MFAP1: variants seen among roughly 807,000 people sequenced by gnomAD.
MFAP1 encodes the protein microfibril associated protein 1, also known as microfibrillar-associated protein 1.
Under a neutral mutation model 62.2 loss-of-function variants are expected in MFAP1, and 18 were observed. That is an observed-to-expected ratio of 0.29 (90% CI 0.20 to 0.43). The LOEUF (loss-of-function observed/expected upper bound fraction) is 0.43, where lower values mean the gene tolerates loss of function less well. Ranked by LOEUF, MFAP1 falls within the 20% of genes least tolerant of loss-of-function variation. The pLI, the probability that MFAP1 is intolerant of heterozygous loss-of-function variation, is 1.00. For missense variants in MFAP1, 355 were observed against 559.7 expected (o/e 0.63, Z 3.69); for synonymous variants, 175 against 180.4 (o/e 0.97, Z 0.24).
Position 43,813,265 on chromosome 15 carries a change from C to T in MFAP1, c.710G>A (p.Arg237His), listed in dbSNP as rs759142088. Residue 237 changes from arginine (R) to histidine (H), a missense_variant, in exon 5 of 9, where the codon CGC becomes CAC. Physicochemically the swap from Arg to His is conservative, Grantham distance 29. Transcript: ENST00000267812. ...QEAKRMAEER[R>H]KYTLKIVEEE... ...CCCCAGTACCTTGAGTGTGTACTTG[C>T]GCCTTTCCTCAGCCATGCGTTTTGC... 5.0e-6 allele frequency: 8 copies of T among 1,613,568 alleles called. No individual in the cohort carries two copies. In the Admixed American group the frequency reaches 5.0e-5, roughly 10 times the overall value.
rs989161570 is a variant in MFAP1 at position 43,824,651 on chromosome 15, T to C, written c.-82A>G. The C allele has an allele frequency of 2.8e-6, 4 of 1,428,156 alleles. No individual in the cohort carries two copies. The highest frequency in any genetic ancestry group is 3.9e-6 in the Non-Finnish European group (4 of 1,015,302). The allele number at this position is 1,428,156 out of a possible 1,614,324, so 88.5% of individuals were successfully genotyped here. ...AGCAACGTCAACGAAGAGAAGAAAT[T>C]CCTTCCACCTGAGTCCGCGAACACA... On this transcript the variant is annotated 5_prime_UTR_variant, in exon 1 of 9. Transcript: ENST00000267812.
intron 6 of MFAP1, among the ~76,000 whole-genome samples, chr15:43,811,097 G>A (rs1292525816): frequency 2.7e-5 from 4 of 149,630 alleles, no homozygotes; most frequent in South Asian, 2.2e-4. Context: ...TACTCCTACA[G>A]GTCCAGGATA....
intron 7 of MFAP1, among the ~76,000 whole-genome samples, chr15:43,807,434 C>T (rs975034357): frequency 7.9e-5 from 12 of 151,128 alleles, no homozygotes; most frequent in Middle Eastern, 6.8e-3. Context: ...CTGCAAGTTC[C>T]GCCTCCCAGG....
chr15:43,814,468 A>T, intron 4 of MFAP1, 33 bp downstream of exon 4: 1 of 1,564,090 alleles, frequency 6.4e-7, no homozygotes, highest in South Asian at 1.2e-5. Flanking sequence ...GTGGTAATTA[A>T]GTGGATTCAG....
Position 43,824,560 on chromosome 15 carries a change from G to A in MFAP1, c.10C>T (p.Pro4Ser). ...GGCGGTTGCTTCATGAGAGCGCTTG[G>A]GACCGACATGTTGATGGCAGCGACG... MSVPSALMKQPPIQ... is the reference protein window; with the variant it reads MSVSSALMKQPPIQ... Residue 4 changes from proline to serine, a missense_variant, in exon 1 of 9, where the codon CCA (proline) becomes TCA (serine). Around this residue, in one of 6 missense-constraint regions of MFAP1, gnomAD observed 29 missense variants for 46.0 expected, o/e 0.63. Transcript: ENST00000267812. 6.2e-7 allele frequency: 1 copy of A among 1,614,140 alleles called. No individual in the cohort carries two copies. Among genetic ancestry groups the A allele is most frequent in the Non-Finnish European group, 8.5e-7 (1 of 1,180,044 alleles).
chr15:43,814,114 G>T (rs147547397), intron 4 of MFAP1, among the ~76,000 whole-genome samples: 4 of 151,988 alleles, frequency 2.6e-5, no homozygotes, highest in Non-Finnish European at 5.9e-5. Flanking sequence ...TTAGCCAGGC[G>T]TGGTGGCGCA....
intron 1 of MFAP1, 24 bp from the exon 2 acceptor site, chr15:43,817,472 T>C (rs2087440606): frequency 6.2e-7 from 1 of 1,612,374 alleles, no homozygotes; most frequent in Admixed American, 1.7e-5. Context: ...GTAACTTATG[T>C]TTCAGTAGCC....
intron 6 of MFAP1, among the ~76,000 whole-genome samples, chr15:43,811,819 ATTGAT>A (rs1356002701): frequency 3.3e-5 from 5 of 151,926 alleles, no homozygotes; most frequent in African/African-American, 1.2e-4. Flanking sequence ...AGAGTTATCT[ATTGAT>A]GGTTTCCTTT....
Position 43,808,648 on chromosome 15 carries a change from A to G in MFAP1, c.1047+1107T>C, listed in dbSNP as rs554091945. Among the ~76,000 whole-genome samples, 4 of 152,380 alleles carry G rather than the reference A, an allele frequency of 2.6e-5. No individual in the cohort carries two copies. The East Asian group carries it at 7.7e-4, about 29-fold the overall frequency. On this transcript the variant is annotated intron_variant, in intron 7 of 8. Coordinates refer to ENST00000267812, the MANE Select transcript of MFAP1 (RefSeq NM_005926.3). ...AAGTAGTTCATAATCTCCACTGAAT[A>G]GTAAGCTACATCTGCTGGAAAACTA...
intron 3 of MFAP1, 33 bp downstream of exon 3, chr15:43,814,912 C>T (rs371960631): frequency 2.4e-5 from 38 of 1,608,814 alleles, no homozygotes; most frequent in Middle Eastern, 1.7e-4. Flanking sequence ...TTCTTATATC[C>T]AGAAAAAAAC....
rs148840504 is a variant in MFAP1, at chr15:43,814,677, C to G, written c.441G>C (p.Arg147=). ...CTCGCTGACGCATCATGCCACGCCG[C>G]CGCTCTATTTCCTATCAAGTCATAT... ...EEEIDDEEIE[R]RRGMMRQRAQ... Residue 147 remains arginine, a synonymous_variant, in exon 4 of 9, where the codon CGG becomes CGC. Coordinates refer to ENST00000267812, the MANE Select transcript of MFAP1 (RefSeq NM_005926.3). 60 of 1,613,808 alleles carry G rather than the reference C, an allele frequency of 3.7e-5. No individual in the cohort carries two copies. The East Asian group carries it at 1.3e-3, about 36-fold the overall frequency.
chr15:43,812,952 A>G lies in MFAP1; in HGVS notation c.887+35T>C, dbSNP rs200795331. The G allele has an allele frequency of 3.9e-4, 629 of 1,608,686 alleles. 4 individuals carry two copies. The African/African-American group carries it at 7.4e-3, about 19-fold the overall frequency. The stretch of plus-strand genomic sequence containing the variant: ...TATCCTGCTAGAAACCTGTTCCATT[A>G]GCAGCATTAACTCTAGGCTCATCTT... On this transcript the variant is annotated intron_variant, in intron 6 of 8. Transcript: ENST00000267812.
chr15:43,818,083 G>A (rs1338158323), intron 1 of MFAP1, among the ~76,000 whole-genome samples: 5 of 150,038 alleles, frequency 3.3e-5, no homozygotes, highest in Non-Finnish European at 3.0e-5. Context: ...GCAGTGGCGT[G>A]GTCTCGGCTC....
At position 43,814,743 on chromosome 15, in the gene MFAP1, G is replaced by A. The variant is rs1596057285; in HGVS notation, c.430-55C>T. 37 of 1,571,952 alleles carry A rather than the reference G, an allele frequency of 2.4e-5. No homozygotes were observed. The East Asian group carries it at 6.0e-4, about 26-fold the overall frequency. On this transcript the variant is annotated intron_variant, in intron 3 of 8. Transcript: ENST00000267812. ...TCAAATGGCCTATGGCTTTTTGTTCGTCTCATCAAACACAACAAATTCAAA... is the reference window on the plus strand; with the variant it reads ...TCAAATGGCCTATGGCTTTTTGTTCATCTCATCAAACACAACAAATTCAAA...
intron 1 of MFAP1, among the ~76,000 whole-genome samples, chr15:43,821,972 C>T (rs138922625): frequency 6.6e-5 from 10 of 151,542 alleles, no homozygotes; most frequent in African/African-American, 2.4e-4. Context: ...AATTAAAAGA[C>T]AAGCCAAAAA....
chr15:43,814,295 G>A (rs1261944724), intron 4 of MFAP1, among the ~76,000 whole-genome samples: 2 of 152,094 alleles, frequency 1.3e-5, no homozygotes, highest in Non-Finnish European at 2.9e-5. Context: ...CTCTATTACT[G>A]AAAAAAGAGA....
intron 2 of MFAP1, 112 bp from the exon 3 acceptor site, chr15:43,815,186 T>C: frequency 7.7e-7 from 1 of 1,305,078 alleles, no homozygotes; most frequent in South Asian, 1.5e-5. Context: ...ATACTGAAGT[T>C]TTTTTTTTTT....
chr15:43,813,361 C>T lies in MFAP1; in HGVS notation c.618-4G>A, dbSNP rs1237966660. 4 of 1,603,464 alleles carry T rather than the reference C, an allele frequency of 2.5e-6. No individual in the cohort carries two copies. The highest frequency in any genetic ancestry group is 2.5e-6 in the Non-Finnish European group (3 of 1,177,326). On this transcript the variant is annotated splice_polypyrimidine_tract_variant and splice_region_variant and intron_variant, in intron 4 of 8. Transcript: ENST00000267812. ...TTGAACTGTCACTCGGTCCTTCCTG[C>T]ATCACAGAGATCCTGTTAATTGCCC...
Position 43,804,802 on chromosome 15 carries a change from G to C in MFAP1, c.*292C>G. ...GGGCTGGAAAAAGAAAGTCAGAACA[G>C]TCCCAAGTAAATATGGGAAACCATA... is the stretch of plus-strand genomic sequence containing the variant. On this transcript the variant is annotated 3_prime_UTR_variant, in exon 9 of 9. Transcript: ENST00000267812. 3.6e-6 allele frequency: 1 copy of C among 280,574 alleles called. No individual in the cohort carries two copies. The highest frequency in any genetic ancestry group is 6.1e-5 in the East Asian group (1 of 16,364). The allele number at this position is 280,574 out of a possible 1,614,324, so 17.4% of individuals were successfully genotyped here. A position where few individuals can be genotyped will look rare whatever the true frequency, so the allele number is the denominator to read the frequency against.
Sources: gnomAD v4.1 joint callset for allele counts (sites outside exome capture counted in the v4.1 genomes callset) on GRCh38, gnomAD v4.1.1 for gene constraint, gnomAD v4.1.1 regional missense constraint, MANE v1.5 for transcripts, NCBI Gene and HGNC (gene_info 2026-07-23, HGNC 2026-07-21) for gene names.